EBF1: variants seen among roughly 807,000 people sequenced by gnomAD.
EBF1 encodes the protein transcription factor COE1.
Under a neutral mutation model 68.4 loss-of-function variants are expected in EBF1, and 10 were observed. The observed-to-expected ratio is 0.15, with a 90% CI of 0.09 to 0.25. EBF1 has a LOEUF of 0.25. Ranked by LOEUF, EBF1 falls within the 10% of genes least tolerant of loss-of-function variation. EBF1 has a pLI of 1.00. For missense variants in EBF1, 509 were observed against 794.4 expected (o/e 0.64, Z 4.32); for synonymous variants, 298 against 299.8 (o/e 0.99, Z 0.06).
intron 6 of EBF1, among the ~76,000 whole-genome samples, chr5:158,936,890 C>G (rs1812136222): frequency 6.6e-6 from 1 of 152,130 alleles, no homozygotes; most frequent in South Asian, 2.1e-4. Flanking sequence ...AAAGCAAGCC[C>G]TGCAAAAGTA....
intron 10 of EBF1, among the ~76,000 whole-genome samples, chr5:158,768,250 T>C (rs774803880): frequency 6.6e-6 from 1 of 152,112 alleles, no homozygotes; most frequent in Non-Finnish European, 1.5e-5. Flanking sequence ...GGGCTATGCT[T>C]TAACATGAAG....
At chr5:159,076,393 C>G (rs915145937) in intron 5 of EBF1, among the ~76,000 whole-genome samples, 2 of 152,124 alleles carry the variant, frequency 1.3e-5, no homozygotes, top group Non-Finnish European at 2.9e-5. Context: ...CCACCTCCCC[C>G]AAGCATGCCA....
chr5:159,099,344 C>A lies in EBF1; in HGVS notation c.134+1G>T. The stretch of plus-strand genomic sequence containing the variant: ...GGCCGCGGTCCCCGCGCAGTACCCA[C>A]CTCTGCGCCGCCGTGTTGGCGTCCA... On this transcript the variant is annotated splice_donor_variant, in intron 1 of 15. Transcript: ENST00000313708. LOFTEE classifies it high-confidence loss of function. 1 of 1,585,816 alleles carries A rather than the reference C, an allele frequency of 6.3e-7. No individual in the cohort carries two copies. The highest frequency in any genetic ancestry group is 8.6e-7 in the Non-Finnish European group (1 of 1,167,762).
At chr5:159,047,969 A>G (rs1005867719) in intron 6 of EBF1, among the ~76,000 whole-genome samples, 15 of 152,222 alleles carry the variant, frequency 9.9e-5, no homozygotes, top group Admixed American at 8.5e-4. Context: ...AAAACCTCCA[A>G]TCATGTCTCA....
chr5:158,827,964 A>G (rs565958825), intron 7 of EBF1, among the ~76,000 whole-genome samples: 8 of 152,334 alleles, frequency 5.3e-5, no homozygotes, highest in African/African-American at 1.7e-4. Flanking sequence ...ATGATTATTT[A>G]AAAATTCCAA....
At position 158,866,865 on chromosome 5, in the gene EBF1, A is replaced by ATATATATATATATGTATATG. The variant is rs1562162951; in HGVS notation, c.555-26756_555-26755insCATATACATATATATATATA. On this transcript the variant is annotated intron_variant, in intron 6 of 15. Coordinates refer to ENST00000313708, the MANE Select transcript of EBF1 (RefSeq NM_024007.5). ...TATATATATATATATATATATATAT[A>ATATATATATATATGTATATG]TATATATATATATATATATATATAT... Among the ~76,000 whole-genome samples the ATATATATATATATGTATATG allele has an allele frequency of 5.9e-4, 34 of 58,116 alleles. 1 individual carries two copies. Among genetic ancestry groups the ATATATATATATATGTATATG allele is most frequent in the African/African-American group, 1.8e-3 (31 of 17,602 alleles). 38.1% of individuals were successfully genotyped at this position (58,116 alleles called of 152,430 possible).
chr5:158,831,043 G>A (rs1371836438), intron 7 of EBF1, among the ~76,000 whole-genome samples: 3 of 152,156 alleles, frequency 2.0e-5, no homozygotes, highest in Non-Finnish European at 4.4e-5. Context: ...GGTGACATAT[G>A]ATAAACATGA....
intron 6 of EBF1, among the ~76,000 whole-genome samples, chr5:158,896,107 T>C (rs1375629015): frequency 2.0e-5 from 3 of 151,964 alleles, no homozygotes; most frequent in Non-Finnish European, 4.4e-5. Flanking sequence ...ATAATATGGA[T>C]TGTTAACCCT....
intron 6 of EBF1, among the ~76,000 whole-genome samples, chr5:159,023,832 T>C (rs188890352): frequency 2.3e-4 from 35 of 152,180 alleles, no homozygotes; most frequent in Admixed American, 2.0e-3. Flanking sequence ...TCAGACCTCA[T>C]TGTGTAAATA....
At chr5:158,803,979 T>C (rs989318543) in intron 8 of EBF1, among the ~76,000 whole-genome samples, 40 of 141,440 alleles carry the variant, frequency 2.8e-4, no homozygotes, top group Non-Finnish European at 5.7e-4. Context: ...TGTGTGTGTG[T>C]GTGATGTTTG....
chr5:159,053,769 T>C (rs959349017), intron 6 of EBF1, among the ~76,000 whole-genome samples: 2 of 152,236 alleles, frequency 1.3e-5, no homozygotes, highest in African/African-American at 4.8e-5. Context: ...CAACTTTATT[T>C]TGACAACTCT....
intron 6 of EBF1, among the ~76,000 whole-genome samples, chr5:158,919,899 T>C (rs1808027286): frequency 6.6e-6 from 1 of 152,204 alleles, no homozygotes; most frequent in Admixed American, 6.5e-5. Context: ...AGGACTCTAA[T>C]TTCTAAGCTG....
At chr5:158,800,019 T>C (rs1780301808) in intron 8 of EBF1, among the ~76,000 whole-genome samples, 3 of 152,114 alleles carry the variant, frequency 2.0e-5, no homozygotes, top group Non-Finnish European at 2.9e-5. Flanking sequence ...ATACTTGCAA[T>C]TGTGGCTAAA....
At chr5:159,045,971 T>C (rs1311746824) in intron 6 of EBF1, among the ~76,000 whole-genome samples, 1 of 152,210 alleles carries the variant, frequency 6.6e-6, no homozygotes, top group African/African-American at 2.4e-5. Context: ...CCCTGCCCAC[T>C]GCCTTCTAGC....
chr5:158,878,493 A>G (rs1342014848), intron 6 of EBF1, among the ~76,000 whole-genome samples: 1 of 152,156 alleles, frequency 6.6e-6, no homozygotes, highest in East Asian at 1.9e-4. Flanking sequence ...GCTATGTCTC[A>G]TTTAATCTCA....
intron 9 of EBF1, among the ~76,000 whole-genome samples, chr5:158,790,021 C>A (rs1257308779): frequency 6.6e-6 from 1 of 152,226 alleles, no homozygotes; most frequent in African/African-American, 2.4e-5. Flanking sequence ...ATTTACCCAA[C>A]TATATTCACT....
rs369908798 is a variant in EBF1, at chr5:158,894,727, C to T, written c.555-54617G>A. Among the ~76,000 whole-genome samples, 313 of 152,272 alleles carry T rather than the reference C, an allele frequency of 2.1e-3. 3 individuals are homozygous for T. Among genetic ancestry groups the T allele is most frequent in the African/African-American group, 7.3e-3 (304 of 41,554 alleles). On this transcript the variant is annotated intron_variant, in intron 6 of 15. Coordinates refer to ENST00000313708, the MANE Select transcript of EBF1 (RefSeq NM_024007.5). Reference sequence around the variant, plus strand: ...TGTGTCACCTGGACAGGTAATCCAACGTCCCTGTGTTTCCATTTCCTTATC... The same window carrying T: ...TGTGTCACCTGGACAGGTAATCCAATGTCCCTGTGTTTCCATTTCCTTATC...
intron 8 of EBF1, among the ~76,000 whole-genome samples, chr5:158,816,703 T>C (rs577813361): frequency 1.4e-4 from 22 of 152,044 alleles, no homozygotes; most frequent in South Asian, 8.3e-4. Context: ...CATGAAAAGG[T>C]GAGGGTCTCC....
At chr5:159,008,474 A>ATT (rs1374334763) in intron 6 of EBF1, among the ~76,000 whole-genome samples, 1 of 151,982 alleles carries the variant, frequency 6.6e-6, no homozygotes, top group African/African-American at 2.4e-5. Context: ...AGTTGGTGTG[A>ATT]ATAAATCATT....
Sources: allele counts gnomAD v4.1 joint callset (sites outside exome capture counted in the v4.1 genomes callset), GRCh38; gene constraint gnomAD v4.1.1; transcripts MANE v1.5; gene names NCBI Gene and HGNC (gene_info 2026-07-23, HGNC 2026-07-21).